Variants in MADD observed in about 807,000 individuals in gnomAD.
MADD encodes MAP kinase activating death domain.
In MADD, 109 loss-of-function variants were observed where a neutral mutation model predicts 176.7. The observed-to-expected ratio is 0.62, with a 90% CI of 0.53 to 0.72. MADD has a LOEUF of 0.72. Ranked by LOEUF, MADD falls within the 30% of genes least tolerant of loss-of-function variation. MADD has a pLI of 0.00. For missense variants in MADD, 1,914 were observed against 2,045.5 expected (o/e 0.94, Z 1.24); for synonymous variants, 771 against 771.3 (o/e 1.00, Z 0.01).
chr11:47,322,644 A>C (rs1214005370), intron 27 of MADD, among the ~76,000 whole-genome samples: 1 of 152,174 alleles, frequency 6.6e-6, no homozygotes, highest in Non-Finnish European at 1.5e-5. Flanking sequence ...CCTGAAAGAG[A>C]ATGTTGAACA....
rs974178093 is a variant in MADD at position 47,325,904 on chromosome 11, G to A, written c.4543-834G>A. On this transcript the variant is annotated intron_variant, in intron 30 of 32. Coordinates refer to ENST00000402192, the Ensembl canonical transcript of MADD. The surrounding 1 kb of genome is among the most constrained non-coding windows in gnomAD (Gnocchi z 4.5). ...ACTGCAGAGAAGGGGAGGAAAGCCCGGGTTCTCAATCTCACCTCACAGTTA... is the reference window on the plus strand; with the variant it reads ...ACTGCAGAGAAGGGGAGGAAAGCCCAGGTTCTCAATCTCACCTCACAGTTA... Among the ~76,000 whole-genome samples, 3 of 152,204 alleles carry A rather than the reference G, an allele frequency of 2.0e-5. No individual in the cohort carries two copies. Among genetic ancestry groups the A allele is most frequent in the East Asian group, 1.9e-4 (1 of 5,196 alleles).
chr11:47,324,365 T>C (rs2290149), intron 29 of MADD, 28 bp downstream of exon 32: 220,305 of 1,612,614 alleles, frequency 0.14, 16,335 homozygotes, highest in South Asian at 0.23. Context: ...TGAGAGTGTC[T>C]TCCCTGTTTC....
intron 18 of MADD, 138 bp from the exon 20 acceptor site, chr11:47,290,472 G>T: frequency 8.0e-7 from 1 of 1,257,726 alleles, no homozygotes; most frequent in Admixed American, 2.5e-5. Flanking sequence ...TCTTTGTTAC[G>T]AAAAATAAGA....
intron 20 of MADD, 49 bp downstream of exon 22, chr11:47,294,032 A>G (rs947180608): frequency 3.6e-6 from 5 of 1,388,108 alleles, no homozygotes; most frequent in South Asian, 3.5e-5. Context: ...ATGCTGTCTC[A>G]GAATACTTCT....
chr11:47,284,592 G>A, intron 12 of MADD, 27 bp downstream of exon 12: 1 of 1,608,186 alleles, frequency 6.2e-7, no homozygotes, highest in Non-Finnish European at 8.5e-7. Flanking sequence ...GGATGAGTGA[G>A]AACCATGGCC....
Position 47,282,627 on chromosome 11 carries a change from C to G in MADD, c.1705+11C>G, listed in dbSNP as rs1160253123. The G allele has an allele frequency of 1.9e-5, 31 of 1,612,748 alleles. No homozygotes were observed. Among genetic ancestry groups the G allele is most frequent in the Non-Finnish European group, 2.6e-5 (31 of 1,178,956 alleles). On this transcript the variant is annotated intron_variant, in intron 9 of 32. Coordinates refer to ENST00000402192, the Ensembl canonical transcript of MADD. Reference sequence around the variant, plus strand: ...AGCGAATTCACAACAGTGAGTCTACCTGCCCTCTGCTCCGCTCTGCCTTGT... The same window carrying G: ...AGCGAATTCACAACAGTGAGTCTACGTGCCCTCTGCTCCGCTCTGCCTTGT...
At chr11:47,285,696 G>T (rs1444312110) in intron 14 of MADD, 106 bp downstream of exon 14, 3 of 1,480,666 alleles carry the variant, frequency 2.0e-6, no homozygotes, top group Non-Finnish European at 2.8e-6. Flanking sequence ...GGCTAGGTTG[G>T]CATTAGCAAG....
intron 20 of MADD, 79 bp downstream of exon 22, chr11:47,294,062 T>C: frequency 8.2e-7 from 1 of 1,222,304 alleles, no homozygotes; most frequent in Non-Finnish European, 1.2e-6. Flanking sequence ...AATAGAACAG[T>C]CAGACAGCCG....
At chr11:47,284,620 C>G in intron 12 of MADD, 55 bp downstream of exon 12, 1 of 1,574,302 alleles carries the variant, frequency 6.4e-7, no homozygotes, top group East Asian at 2.3e-5. Flanking sequence ...TGGGCCTCAT[C>G]TATTAGGAAA....
chr11:47,318,838 C>T (rs2093787336), intron 27 of MADD, among the ~76,000 whole-genome samples: 1 of 116,912 alleles, frequency 8.6e-6, no homozygotes, highest in Non-Finnish European at 1.6e-5. Flanking sequence ...GACAGAGTCT[C>T]ACTCTGTTGC....
chr11:47,305,803 T>G (rs2082178081), intron 22 of MADD, among the ~76,000 whole-genome samples: 1 of 151,778 alleles, frequency 6.6e-6, no homozygotes, highest in Admixed American at 6.6e-5. Flanking sequence ...GGTACTGGAG[T>G]TGTTTGGCTA....
chr11:47,320,234 A>ATCACGAGG (rs1438040517), intron 27 of MADD, among the ~76,000 whole-genome samples: 1 of 151,836 alleles, frequency 6.6e-6, no homozygotes, highest in Non-Finnish European at 1.5e-5. Flanking sequence ...AGGTGGGTGG[A>ATCACGAGG]TCACGAGGTC....
chr11:47,325,124 G>C lies in MADD; in HGVS notation c.4542+547G>C. 3 of 236,170 alleles carry C rather than the reference G, an allele frequency of 1.3e-5. No homozygotes were observed. The highest frequency in any genetic ancestry group is 2.5e-5 in the Non-Finnish European group (3 of 119,712). The allele number at this position is 236,170 out of a possible 1,614,324, so 14.6% of individuals were successfully genotyped here. A position where few individuals can be genotyped will look rare whatever the true frequency, so the allele number is the denominator to read the frequency against. On this transcript the variant is annotated intron_variant, in intron 30 of 32. Coordinates refer to ENST00000402192, the Ensembl canonical transcript of MADD. This position sits in a 1 kb window ranked among gnomAD's most constrained non-coding sequence, Gnocchi z 4.5. ...TCCTGTTCTTTTCCTTCCTCTGAGTGTTCCCACTCTGTCCCCTGCTCCACA... is the reference window on the plus strand; with the variant it reads ...TCCTGTTCTTTTCCTTCCTCTGAGTCTTCCCACTCTGTCCCCTGCTCCACA...
At chr11:47,302,003 T>A (rs890410955) in intron 22 of MADD, among the ~76,000 whole-genome samples, 1 of 152,146 alleles carries the variant, frequency 6.6e-6, no homozygotes, top group Non-Finnish European at 1.5e-5. Flanking sequence ...ATAAATCCGG[T>A]ATTTCTGTGT....
exon 13 of MADD, chr11:47,285,121 C>A: frequency 6.2e-7 from 1 of 1,614,088 alleles, no homozygotes; most frequent in Non-Finnish European, 8.5e-7. Context: ...ATATGGCTTT[C>A]CCCCTGAGGA....
intron 27 of MADD, among the ~76,000 whole-genome samples, chr11:47,321,925 T>C (rs1039176631): frequency 5.9e-5 from 9 of 152,078 alleles, no homozygotes; most frequent in African/African-American, 2.2e-4. Flanking sequence ...TTTGAGGTGC[T>C]ACATGTGAAG....
At chr11:47,289,147 G>A (rs1340744206) in intron 15 of MADD, 120 bp downstream of exon 16, 66 of 1,064,404 alleles carry the variant, frequency 6.2e-5, no homozygotes, top group African/African-American at 3.5e-4. Flanking sequence ...TGCTTGCCCC[G>A]TCCCCCGTGA....
At chr11:47,288,645 C>G (rs1272096223) in intron 15 of MADD, among the ~76,000 whole-genome samples, 1 of 152,248 alleles carries the variant, frequency 6.6e-6, no homozygotes. Flanking sequence ...CACATACCCT[C>G]AGGCCCCTGG....
intron 22 of MADD, among the ~76,000 whole-genome samples, chr11:47,299,503 C>T (rs1372825238): frequency 1.4e-5 from 2 of 146,750 alleles, no homozygotes; most frequent in Admixed American, 1.4e-4. Flanking sequence ...AGACACACTA[C>T]TGATTTTTAT....
Sources: gnomAD v4.1 joint callset for allele counts (sites outside exome capture counted in the v4.1 genomes callset) on GRCh38, gnomAD v4.1.1 for gene constraint, Gnocchi (gnomAD v3.1) non-coding constraint, MANE v1.5 for transcripts, NCBI Gene and HGNC (gene_info 2026-07-23, HGNC 2026-07-21) for gene names.